FLRT2: variants seen among roughly 807,000 people sequenced by gnomAD.
The protein encoded by FLRT2 is fibronectin leucine rich transmembrane protein 2, also known as leucine-rich repeat transmembrane protein FLRT2.
Under a neutral mutation model 40.0 loss-of-function variants are expected in FLRT2, and 15 were observed. The ratio of observed to expected loss-of-function variants is 0.38; its 90% CI spans 0.25 to 0.58. The LOEUF is 0.58. Ranked by LOEUF, FLRT2 falls within the 20% of genes least tolerant of loss-of-function variation. FLRT2 has a pLI of 0.71. For synonymous variants in FLRT2, 380 were observed against 336.8 expected, an observed-to-expected ratio of 1.13 and a Z score of -1.41; for missense variants, 726 against 840.0, an observed-to-expected ratio of 0.86 and a Z score of 1.68.
intron 1 of FLRT2, among the ~76,000 whole-genome samples, chr14:85,605,437 C>T (rs1194521471): frequency 3.3e-5 from 5 of 152,128 alleles, no homozygotes. Flanking sequence ...ATAATTGGGA[C>T]AGTTACTTCA....
In FLRT2 at chr14:85,623,344, C is replaced by T. The variant is rs199681813; in HGVS notation, c.1830C>T (p.Val610=). The T allele has an allele frequency of 2.0e-5, 30 of 1,521,970 alleles. No homozygotes were observed. Among genetic ancestry groups the T allele is most frequent in the Non-Finnish European group, 2.6e-5 (30 of 1,136,386 alleles). The allele number at this position is 1,521,970 out of a possible 1,614,324, so 94.3% of individuals were successfully genotyped here. A position where few individuals can be genotyped will look rare whatever the true frequency, so the allele number is the denominator to read the frequency against. Reference sequence around the variant, plus strand: ...TGACAGAAACCAGTTTTCAGATCGTCTCCTTAAATAACGATCAACTCCTTA... The same window carrying T: ...TGACAGAAACCAGTTTTCAGATCGTTTCCTTAAATAACGATCAACTCCTTA... ...LEMTETSFQI[V]SLNNDQLLKG... is the part of the protein sequence containing the mutation. The change falls in exon 2 of 2, where the codon GTC becomes GTT. Residue 610 remains valine, a synonymous_variant. Coordinates refer to ENST00000330753, the MANE Select transcript of FLRT2 (RefSeq NM_013231.6).
chr14:85,559,654 CAT>C (rs1044756458), intron 1 of FLRT2, among the ~76,000 whole-genome samples: 1 of 151,962 alleles, frequency 6.6e-6, no homozygotes, highest in African/African-American at 2.4e-5. Flanking sequence ...TTTTTAACCT[CAT>C]AGCAGCTCAG....
At chr14:85,557,357 G>T (rs185150300) in intron 1 of FLRT2, among the ~76,000 whole-genome samples, 1 of 151,536 alleles carries the variant, frequency 6.6e-6, no homozygotes, top group African/African-American at 2.4e-5. Flanking sequence ...TACCTCTGCC[G>T]CACCTAACCG....
intron 1 of FLRT2, among the ~76,000 whole-genome samples, chr14:85,532,029 G>A (rs1185024086): frequency 1.3e-5 from 2 of 152,232 alleles, no homozygotes; most frequent in East Asian, 3.9e-4. Flanking sequence ...GACACAACAG[G>A]GATGCGAAGG....
Position 85,584,928 on chromosome 14 carries a change from G to T in FLRT2, c.-376-36211G>T, listed in dbSNP as rs191010942. 1.6e-4 allele frequency among the ~76,000 whole-genome samples: 24 copies of T among 150,042 alleles called. No individual in the cohort carries two copies. The East Asian group carries it at 4.3e-3, about 27-fold the overall frequency. On this transcript the variant is annotated intron_variant, in intron 1 of 1. Transcript: ENST00000330753. The stretch of plus-strand genomic sequence containing the variant: ...GGCATAGAGTGGGGGTGGGAGGTGG[G>T]TGGCAGGGCGGGGGGAAGGTAGAAA...
intron 1 of FLRT2, among the ~76,000 whole-genome samples, chr14:85,592,044 A>C (rs1280030121): frequency 6.6e-6 from 1 of 152,228 alleles, no homozygotes; most frequent in Admixed American, 6.5e-5. Context: ...TTACAAATTG[A>C]CTTTAAAAGT....
chr14:85,604,263 G>A (rs559076812), intron 1 of FLRT2, among the ~76,000 whole-genome samples: 46 of 152,166 alleles, frequency 3.0e-4, no homozygotes, highest in Non-Finnish European at 6.3e-4. Context: ...GTCTGCCTTA[G>A]CGGAACATTC....
intron 1 of FLRT2, among the ~76,000 whole-genome samples, chr14:85,618,731 G>T (rs1416790416): frequency 6.6e-6 from 1 of 152,172 alleles, no homozygotes; most frequent in African/African-American, 2.4e-5. Context: ...ATTAAAACAT[G>T]AATGATTAAA....
In FLRT2 at chr14:85,641,039, T is replaced by C. The variant is rs187243860; in HGVS notation, c.*17542T>C. 7.4e-4 allele frequency: 113 copies of C among 152,350 alleles called. No individual in the cohort carries two copies. The highest frequency in any genetic ancestry group is 2.6e-3 in the African/African-American group (109 of 41,582). 9.4% of individuals were successfully genotyped at this position (152,350 alleles called of 1,614,324 possible). On this transcript the variant is annotated 3_prime_UTR_variant, in exon 2 of 2. Coordinates refer to ENST00000330753, the MANE Select transcript of FLRT2 (RefSeq NM_013231.6). ...CTACATCTAGTGCATTTCTCCATAA[T>C]GTGGGTGGCAATTATTCTAATCCCT...
intron 1 of FLRT2, among the ~76,000 whole-genome samples, chr14:85,532,952 T>C (rs1408654280): frequency 3.9e-5 from 6 of 152,120 alleles, no homozygotes; most frequent in African/African-American, 1.2e-4. Context: ...GGACTGGTGG[T>C]AGGAACGGCA....
At chr14:85,606,403 C>T (rs1413106581) in intron 1 of FLRT2, among the ~76,000 whole-genome samples, 1 of 152,122 alleles carries the variant, frequency 6.6e-6, no homozygotes, top group East Asian at 1.9e-4. Flanking sequence ...CCAGTTTCTG[C>T]ATCCCTAAAA....
At chr14:85,547,219 C>T (rs939111599) in intron 1 of FLRT2, among the ~76,000 whole-genome samples, 3 of 152,072 alleles carry the variant, frequency 2.0e-5, no homozygotes, top group Non-Finnish European at 2.9e-5. Flanking sequence ...GAAAGTTATT[C>T]TTCCCTTCTG....
At chr14:85,616,975 C>G (rs1203204625) in intron 1 of FLRT2, among the ~76,000 whole-genome samples, 2 of 152,134 alleles carry the variant, frequency 1.3e-5, no homozygotes, top group Non-Finnish European at 2.9e-5. Flanking sequence ...TCTTAATTTT[C>G]TCTAGAAAAT....
In FLRT2 at chr14:85,623,373, G is replaced by A; in HGVS notation, c.1859G>A (p.Gly620Glu). Reference protein sequence around the residue: ...VSLNNDQLLKGDFRLQPIYTP... With the variant: ...VSLNNDQLLKEDFRLQPIYTP... Reference sequence around the variant, plus strand: ...TTAAATAACGATCAACTCCTTAAAGGAGATTTCAGACTGCAGCCCATTTAC... The same window carrying A: ...TTAAATAACGATCAACTCCTTAAAGAAGATTTCAGACTGCAGCCCATTTAC... Residue 620 changes from glycine to glutamate, a missense_variant, in exon 2 of 2, where the codon GGA becomes GAA. This residue lies in a region of FLRT2 where 611 missense variants were observed against 690.0 expected (regional missense o/e 0.89). Transcript: ENST00000330753. 2.6e-6 allele frequency: 4 copies of A among 1,522,614 alleles called. No homozygotes were observed. The highest frequency in any genetic ancestry group is 3.5e-6 in the Non-Finnish European group (4 of 1,137,810). 94.3% of individuals were successfully genotyped at this position (1,522,614 alleles called of 1,614,324 possible).
chr14:85,621,888 C>A lies in FLRT2; in HGVS notation c.374C>A (p.Ser125Ter). The change falls in exon 2 of 2, where the codon TCA (serine) becomes TAA (stop). Residue 125 changes from serine to a stop codon, truncating the protein, a stop_gained. Coordinates refer to ENST00000330753, the MANE Select transcript of FLRT2 (RefSeq NM_013231.6). LOFTEE classifies it high-confidence loss of function. Reference sequence around the variant, plus strand: ...CAGGAAAACAATATTCAGACCATTTCACGGGCTGCTCTTGCCCAGCTCTTG... The same window carrying A: ...CAGGAAAACAATATTCAGACCATTTAACGGGCTGCTCTTGCCCAGCTCTTG... Reference protein sequence around the residue: ...HLQENNIQTISRAALAQLLKL... With the variant: ...HLQENNIQTI The A allele has an allele frequency of 6.2e-7, 1 of 1,608,412 alleles. No homozygotes were observed. The highest frequency in any genetic ancestry group is 8.5e-7 in the Non-Finnish European group (1 of 1,176,552).
intron 1 of FLRT2, among the ~76,000 whole-genome samples, chr14:85,612,314 G>A (rs1177727752): frequency 6.6e-6 from 1 of 152,214 alleles, no homozygotes; most frequent in East Asian, 1.9e-4. Context: ...AAATTCTTCT[G>A]TGTTTGGAGA....
intron 1 of FLRT2, among the ~76,000 whole-genome samples, chr14:85,616,800 T>G (rs1252734056): frequency 6.6e-6 from 1 of 152,212 alleles, no homozygotes; most frequent in African/African-American, 2.4e-5. Context: ...ACTTAACTTT[T>G]AAGCCTCATG....
intron 1 of FLRT2, among the ~76,000 whole-genome samples, chr14:85,554,421 T>G (rs2139831278): frequency 6.6e-6 from 1 of 152,350 alleles, no homozygotes; most frequent in South Asian, 2.1e-4. Context: ...TTGTATAGGA[T>G]GTACAGTATT....
chr14:85,549,424 T>C (rs1337810308), intron 1 of FLRT2, among the ~76,000 whole-genome samples: 1 of 152,302 alleles, frequency 6.6e-6, no homozygotes, highest in Admixed American at 6.5e-5. Context: ...ACCCTGCCCA[T>C]GAGGGGTTGA....
Sources: allele counts gnomAD v4.1 joint callset (sites outside exome capture counted in the v4.1 genomes callset), GRCh38; gene constraint gnomAD v4.1.1; regional missense constraint gnomAD v4.1.1; transcripts MANE v1.5; gene names NCBI Gene and HGNC (gene_info 2026-07-23, HGNC 2026-07-21).